CDK14: variants seen among roughly 807,000 people sequenced by gnomAD.
CDK14 encodes cyclin dependent kinase 14.
Under a neutral mutation model 60.7 loss-of-function variants are expected in CDK14, and 34 were observed. The observed-to-expected ratio is 0.56, with a 90% confidence interval of 0.43 to 0.75. The LOEUF (loss-of-function observed/expected upper bound fraction) is 0.75. CDK14 is among the 30% of genes least tolerant of loss of function. CDK14 has a pLI of 0.00. For synonymous variants in CDK14, 197 were observed against 203.7 expected, an observed-to-expected ratio of 0.97 and a Z score of 0.28; for missense variants, 482 against 564.1, an observed-to-expected ratio of 0.85 and a Z score of 1.47.
chr7:90,802,927 C>T (rs899645494), intron 5 of CDK14, among the ~76,000 whole-genome samples: 3 of 152,082 alleles, frequency 2.0e-5, no homozygotes, highest in Non-Finnish European at 2.9e-5. Context: ...TTGTCACTTT[C>T]ATTTATTTCT....
At chr7:90,639,443 G>C (rs978218570) in intron 2 of CDK14, among the ~76,000 whole-genome samples, 1 of 152,094 alleles carries the variant, frequency 6.6e-6, no homozygotes, top group African/African-American at 2.4e-5. Context: ...CAGAACCGCA[G>C]ATTTTCGTGT....
intron 10 of CDK14, among the ~76,000 whole-genome samples, chr7:91,026,794 G>C (rs1351753131): frequency 6.6e-6 from 1 of 152,116 alleles, no homozygotes. Flanking sequence ...GTCATATATG[G>C]TGAGGCCCCC....
intron 1 of CDK14, among the ~76,000 whole-genome samples, chr7:90,601,045 T>C (rs750725985): frequency 5.3e-5 from 8 of 152,264 alleles, no homozygotes; most frequent in Non-Finnish European, 1.2e-4. Context: ...CGAAATTTGC[T>C]GTTGGAGAAC....
Position 91,209,804 on chromosome 7 carries a change from A to C in CDK14, c.*2668A>C, listed in dbSNP as rs1359840666. 1.3e-5 allele frequency: 2 copies of C among 152,624 alleles called. No individual in the cohort carries two copies. Among genetic ancestry groups the C allele is most frequent in the Non-Finnish European group, 2.9e-5 (2 of 68,038 alleles). 9.5% of individuals were successfully genotyped at this position (152,624 alleles called of 1,614,324 possible). A position where few individuals can be genotyped will look rare whatever the true frequency, so the allele number is the denominator to read the frequency against. On this transcript the variant is annotated 3_prime_UTR_variant, in exon 15 of 15. Coordinates refer to ENST00000380050, the MANE Select transcript of CDK14 (RefSeq NM_001287135.2). Reference sequence around the variant, plus strand: ...AAAATGTTTGCAGTACTCAGCAAAAAATAGGGTACATAAAGCAGGGTGGCT... The same window carrying C: ...AAAATGTTTGCAGTACTCAGCAAAACATAGGGTACATAAAGCAGGGTGGCT...
chr7:91,067,508 T>C (rs774839006), intron 11 of CDK14, among the ~76,000 whole-genome samples: 3 of 152,234 alleles, frequency 2.0e-5, no homozygotes, highest in Non-Finnish European at 4.4e-5. Context: ...TCTGTCTGTA[T>C]CCATACTGTA....
chr7:90,648,821 T>C (rs1800524365), intron 2 of CDK14, among the ~76,000 whole-genome samples: 1 of 152,200 alleles, frequency 6.6e-6, no homozygotes, highest in South Asian at 2.1e-4. Flanking sequence ...GGAAATAGAT[T>C]TATAATCCTG....
rs527656540 is a variant in CDK14, at chr7:90,886,051, T to C, written c.640-13240T>C. Among the ~76,000 whole-genome samples, 17 of 152,262 alleles carry C rather than the reference T, an allele frequency of 1.1e-4. No individual in the cohort carries two copies. The South Asian group carries it at 3.1e-3, about 28-fold the overall frequency. On this transcript the variant is annotated intron_variant, in intron 6 of 14. Coordinates refer to ENST00000380050, the MANE Select transcript of CDK14 (RefSeq NM_001287135.2). ...TTTAGAAGAAATAAATAAAAAATAA[T>C]TTTTGGATAAATTTAAAATTCTTAA...
At chr7:90,959,766 C>T (rs930400393) in intron 9 of CDK14, among the ~76,000 whole-genome samples, 2 of 152,160 alleles carry the variant, frequency 1.3e-5, no homozygotes, top group African/African-American at 2.4e-5. Context: ...CGATTTCCTC[C>T]TCCAGGTCTC....
chr7:90,767,089 T>C (rs1255339658), intron 4 of CDK14, among the ~76,000 whole-genome samples: 2 of 152,182 alleles, frequency 1.3e-5, no homozygotes, highest in East Asian at 3.9e-4. Flanking sequence ...TGCCATGCCA[T>C]ACTGACCCAT....
chr7:91,168,365 C>T (rs1415975837), intron 14 of CDK14, among the ~76,000 whole-genome samples: 3 of 151,496 alleles, frequency 2.0e-5, no homozygotes, highest in Non-Finnish European at 4.4e-5. Flanking sequence ...ACATAGGAAA[C>T]ATTTTGTTAG....
chr7:90,669,419 A>C (rs541740504), intron 2 of CDK14, among the ~76,000 whole-genome samples: 3 of 152,322 alleles, frequency 2.0e-5, no homozygotes, highest in East Asian at 3.9e-4. Context: ...TTGGCCAATG[A>C]GGATTGTGTC....
chr7:90,667,306 C>A (rs1314319193), intron 2 of CDK14, among the ~76,000 whole-genome samples: 1 of 152,114 alleles, frequency 6.6e-6, no homozygotes, highest in African/African-American at 2.4e-5. Context: ...AAATAATATA[C>A]CATGAAATTT....
intron 4 of CDK14, among the ~76,000 whole-genome samples, chr7:90,751,363 C>T (rs1803837552): frequency 6.6e-6 from 1 of 152,130 alleles, no homozygotes; most frequent in Non-Finnish European, 1.5e-5. Flanking sequence ...GTTTGGGGGC[C>T]TGTTTTCACC....
intron 1 of CDK14, among the ~76,000 whole-genome samples, chr7:90,598,939 C>T (rs1799256612): frequency 1.3e-5 from 2 of 151,754 alleles, no homozygotes; most frequent in Admixed American, 1.3e-4. Context: ...CTCCTGACCT[C>T]GTGATCCGCC....
intron 2 of CDK14, among the ~76,000 whole-genome samples, chr7:90,693,634 A>G (rs956929179): frequency 1.3e-5 from 2 of 152,184 alleles, no homozygotes; most frequent in Non-Finnish European, 2.9e-5. Context: ...CTTTGTCCCT[A>G]GATCCAATTC....
chr7:90,630,193 A>C (rs967203639), intron 2 of CDK14, among the ~76,000 whole-genome samples: 2 of 152,230 alleles, frequency 1.3e-5, no homozygotes, highest in Non-Finnish European at 2.9e-5. Flanking sequence ...ACAGTCATGC[A>C]TCACTAATGA....
intron 11 of CDK14, among the ~76,000 whole-genome samples, chr7:91,059,898 A>G (rs1000058596): frequency 3.3e-5 from 5 of 152,136 alleles, no homozygotes; most frequent in African/African-American, 9.7e-5. Context: ...TGGGGTGGAG[A>G]GTTCTGTAGA....
At chr7:90,910,957 C>T (rs1180070317) in intron 7 of CDK14, among the ~76,000 whole-genome samples, 1 of 152,100 alleles carries the variant, frequency 6.6e-6, no homozygotes, top group African/African-American at 2.4e-5. Flanking sequence ...TGGTAGGCCA[C>T]AGTGTGTGTT....
intron 5 of CDK14, among the ~76,000 whole-genome samples, chr7:90,815,738 T>TA (rs1789323762): frequency 1.3e-5 from 2 of 152,152 alleles, no homozygotes; most frequent in African/African-American, 4.8e-5. Context: ...TATGCAGCCA[T>TA]AAAAAAGAAT....
Sources: allele counts gnomAD v4.1 joint callset (sites outside exome capture counted in the v4.1 genomes callset), GRCh38; gene constraint gnomAD v4.1.1; transcripts MANE v1.5; gene names NCBI Gene and HGNC (gene_info 2026-07-23, HGNC 2026-07-21).